FARS2: variants seen among roughly 807,000 people sequenced by gnomAD.
FARS2 encodes the protein phenylalanyl-tRNA synthetase 2, mitochondrial.
Under a neutral mutation model 46.4 loss-of-function variants are expected in FARS2, and 40 were observed. The ratio of observed to expected loss-of-function variants is 0.86; its 90% CI spans 0.67 to 1.12. The LOEUF (loss-of-function observed/expected upper bound fraction) is 1.12. Among genes scored for constraint, FARS2 ranks in the 50% most tolerant of loss-of-function variants. FARS2 has a pLI of 0.00. For missense variants in FARS2, 513 were observed against 567.9 expected (o/e 0.90, Z 0.98); for synonymous variants, 234 against 214.9 (o/e 1.09, Z -0.78).
chr6:5,634,314 T>C (rs115905035), intron 6 of FARS2, among the ~76,000 whole-genome samples: 3,466 of 152,340 alleles, frequency 0.023, 51 homozygotes, highest in Non-Finnish European at 0.035. Context: ...TTTTTATTTT[T>C]ATTTTTGAGA....
intron 1 of FARS2, among the ~76,000 whole-genome samples, chr6:5,294,890 T>A (rs139477525): frequency 1.6e-4 from 24 of 152,124 alleles, no homozygotes; most frequent in African/African-American, 2.2e-4. Flanking sequence ...CCCCAAAGTA[T>A]AGGGTGGGAC....
At chr6:5,620,988 C>T (rs1775744587) in intron 6 of FARS2, among the ~76,000 whole-genome samples, 1 of 152,240 alleles carries the variant, frequency 6.6e-6, no homozygotes, top group African/African-American at 2.4e-5. Flanking sequence ...TCTAGCCTTC[C>T]TTAAACTTCA....
Position 5,289,960 on chromosome 6 carries a change from A to G in FARS2, c.-22+28300A>G, listed in dbSNP as rs773512942. On this transcript the variant is annotated intron_variant, in intron 1 of 6. Transcript: ENST00000274680. ...GAATTCTTGCACCAGAGAAAATCCA[A>G]AACAGAAGGAATTCCACTCTTTTGT... 3.3e-5 allele frequency among the ~76,000 whole-genome samples: 5 copies of G among 152,300 alleles called. No homozygotes were observed. The South Asian group carries it at 6.2e-4, about 19-fold the overall frequency.
Position 5,557,882 on chromosome 6 carries a change from C to G in FARS2, c.1065+12542C>G, listed in dbSNP as rs988969107. Reference sequence around the variant, plus strand: ...GTGGGAAGTGTGTAGCTATGGAACACTTTTTTCGGTTTGAAATTGAGTATA... The same window carrying G: ...GTGGGAAGTGTGTAGCTATGGAACAGTTTTTTCGGTTTGAAATTGAGTATA... On this transcript the variant is annotated intron_variant, in intron 5 of 6. Transcript: ENST00000274680. 2.6e-5 allele frequency among the ~76,000 whole-genome samples: 4 copies of G among 152,182 alleles called. No homozygotes were observed. The South Asian group carries it at 6.2e-4, about 24-fold the overall frequency.
At chr6:5,442,955 A>G (rs537519009) in intron 4 of FARS2, among the ~76,000 whole-genome samples, 1 of 152,260 alleles carries the variant, frequency 6.6e-6, no homozygotes, top group Admixed American at 6.5e-5. Flanking sequence ...TGTTTTTGCA[A>G]CTGTTGTGTT....
chr6:5,579,880 C>T (rs1366273218), intron 5 of FARS2, among the ~76,000 whole-genome samples: 3 of 152,064 alleles, frequency 2.0e-5, no homozygotes, highest in African/African-American at 7.2e-5. Flanking sequence ...AAAAATATTG[C>T]CCTCACATTT....
chr6:5,539,128 CCAGCACAACCAT>C (rs1447306161), intron 4 of FARS2, among the ~76,000 whole-genome samples: 1 of 152,010 alleles, frequency 6.6e-6, no homozygotes, highest in Non-Finnish European at 1.5e-5. Flanking sequence ...ACGCATATCC[CCAGCACAACCAT>C]CAGCCTTCCT....
At chr6:5,378,883 G>T (rs1417603993) in intron 2 of FARS2, among the ~76,000 whole-genome samples, 1 of 152,240 alleles carries the variant, frequency 6.6e-6, no homozygotes, top group Admixed American at 6.5e-5. Context: ...GGAGTCCATG[G>T]ATTTGGGAAA....
chr6:5,377,213 C>T (rs1479155984), intron 2 of FARS2, among the ~76,000 whole-genome samples: 2 of 152,162 alleles, frequency 1.3e-5, no homozygotes, highest in East Asian at 1.9e-4. Context: ...ATGTGTGGAC[C>T]AGTGCTCAGA....
At chr6:5,613,996 A>G (rs1775327302) in intron 6 of FARS2, among the ~76,000 whole-genome samples, 1 of 152,064 alleles carries the variant, frequency 6.6e-6, no homozygotes, top group Non-Finnish European at 1.5e-5. Flanking sequence ...CTGGGGGGAA[A>G]AGGGCACATG....
chr6:5,398,840 A>T lies in FARS2; in HGVS notation c.613-5702A>T, dbSNP rs148660773. ...AAACCTGGTTCTTCTTACTCATGAC[A>T]TATTTATTTTCTTGTTCAGTCCTGG... On this transcript the variant is annotated intron_variant, in intron 2 of 6. Coordinates refer to ENST00000274680, the MANE Select transcript of FARS2 (RefSeq NM_006567.5). 2.5e-3 allele frequency among the ~76,000 whole-genome samples: 388 copies of T among 152,204 alleles called. 1 individual carries two copies. The highest frequency in any genetic ancestry group is 3.8e-3 in the Non-Finnish European group (259 of 68,006).
rs543751146 is a variant in FARS2, at chr6:5,521,720, TGATAC to T, written c.905-23457_905-23453del. ...TTATAGGGACTTGCAGAACTCATGG[TGATAC>T]GACCTCCCTGGGTAACCTGTTTCAG... On this transcript the variant is annotated intron_variant, in intron 4 of 6. Coordinates refer to ENST00000274680, the MANE Select transcript of FARS2 (RefSeq NM_006567.5). 4.4e-3 allele frequency among the ~76,000 whole-genome samples: 666 copies of T among 152,378 alleles called. 8 individuals carry two copies. Among genetic ancestry groups the T allele is most frequent in the African/African-American group, 0.015 (634 of 41,598 alleles).
intron 6 of FARS2, among the ~76,000 whole-genome samples, chr6:5,721,259 T>C (rs1231465553): frequency 6.6e-6 from 1 of 152,242 alleles, no homozygotes; most frequent in Non-Finnish European, 1.5e-5. Flanking sequence ...TAGCTTCTTA[T>C]ACCAGCTTCT....
At chr6:5,396,834 A>G (rs1209056159) in intron 2 of FARS2, among the ~76,000 whole-genome samples, 1 of 152,092 alleles carries the variant, frequency 6.6e-6, no homozygotes. Flanking sequence ...CCTCTTCAAG[A>G]GCGGTAAATT....
chr6:5,669,430 CACCAAGGGTT>C (rs1408784722), intron 6 of FARS2, among the ~76,000 whole-genome samples: 1 of 144,894 alleles, frequency 6.9e-6, no homozygotes, highest in Non-Finnish European at 1.5e-5. Flanking sequence ...AAAAATTAAG[CACCAAGGGTT>C]AGTGTGCCTC....
chr6:5,635,348 G>C (rs994717394), intron 6 of FARS2, among the ~76,000 whole-genome samples: 1 of 152,162 alleles, frequency 6.6e-6, no homozygotes, highest in Non-Finnish European at 1.5e-5. Context: ...TAGGCACCTA[G>C]TTGCTGATGA....
At chr6:5,398,028 A>T (rs1761011247) in intron 2 of FARS2, among the ~76,000 whole-genome samples, 1 of 152,200 alleles carries the variant, frequency 6.6e-6, no homozygotes, top group Non-Finnish European at 1.5e-5. Context: ...GAGTTCTATC[A>T]TGAAGAACGT....
chr6:5,599,585 A>C (rs1774393331), intron 5 of FARS2, among the ~76,000 whole-genome samples: 1 of 152,236 alleles, frequency 6.6e-6, no homozygotes, highest in Non-Finnish European at 1.5e-5. Flanking sequence ...GTTTTCATGA[A>C]AACGTTTGCA....
chr6:5,555,651 C>A (rs915752741), intron 5 of FARS2, among the ~76,000 whole-genome samples: 1 of 152,078 alleles, frequency 6.6e-6, no homozygotes, highest in South Asian at 2.1e-4. Flanking sequence ...AGAATCGCAT[C>A]GGCTTCATTG....
Sources: gnomAD v4.1 joint callset for allele counts (sites outside exome capture counted in the v4.1 genomes callset) on GRCh38, gnomAD v4.1.1 for gene constraint, MANE v1.5 for transcripts, NCBI Gene and HGNC (gene_info 2026-07-23, HGNC 2026-07-21) for gene names.